The following TTC28 variants were observed in gnomAD, a reference collection of about 807,000 sequenced individuals.
TTC28 encodes tetratricopeptide repeat protein 28.
In TTC28, 61 loss-of-function variants were observed where a neutral mutation model predicts 198.0. That is an observed-to-expected ratio of 0.31 (90% CI 0.25 to 0.38). The LOEUF (loss-of-function observed/expected upper bound fraction) is 0.38, where lower values mean the gene tolerates loss of function less well. Ranked by LOEUF, TTC28 falls within the 10% of genes least tolerant of loss-of-function variation. The pLI is 1.00. For missense variants in TTC28, 2,678 were observed against 3,164.0 expected (o/e 0.85, Z 3.69); for synonymous variants, 1,171 against 1,297.8 (o/e 0.90, Z 2.10).
rs114602433 is a variant in TTC28, at chr22:28,525,634, C to G, written c.381+103918G>C. Among the ~76,000 whole-genome samples, 348 of 152,254 alleles carry G rather than the reference C, an allele frequency of 2.3e-3. 2 individuals are homozygous for G. The highest frequency in any genetic ancestry group is 8.2e-3 in the African/African-American group (339 of 41,538). On this transcript the variant is annotated intron_variant, in intron 2 of 22. Coordinates refer to ENST00000397906, the MANE Select transcript of TTC28 (RefSeq NM_001145418.2). ...AAGTTTGTTTAAATAGCCTGGTTATCTATACTCCATGAGGCTTCCTAAAAA... is the reference window on the plus strand; with the variant it reads ...AAGTTTGTTTAAATAGCCTGGTTATGTATACTCCATGAGGCTTCCTAAAAA...
At chr22:28,191,977 G>GGA (rs1569188446) in intron 5 of TTC28, among the ~76,000 whole-genome samples, 1 of 152,190 alleles carries the variant, frequency 6.6e-6, no homozygotes, top group Admixed American at 6.5e-5. Flanking sequence ...ATCTGAGAAC[G>GGA]GACAGACTGC....
At chr22:28,518,230 T>C (rs576638187) in intron 2 of TTC28, among the ~76,000 whole-genome samples, 1 of 152,224 alleles carries the variant, frequency 6.6e-6, no homozygotes, top group Non-Finnish European at 1.5e-5. Flanking sequence ...TTGAGCTGCA[T>C]GGGGTTTGGA....
intron 1 of TTC28, chr22:28,643,040 C>G (rs565565110): frequency 1.2e-4 from 19 of 152,068 alleles, no homozygotes; most frequent in Non-Finnish European, 2.4e-4. Context: ...AGGTGTGATC[C>G]CACTATTGAT....
intron 5 of TTC28, among the ~76,000 whole-genome samples, chr22:28,288,344 A>C (rs1056841305): frequency 6.6e-6 from 1 of 152,234 alleles, no homozygotes; most frequent in African/African-American, 2.4e-5. Context: ...TGGTATAACC[A>C]CTTTGGGAAA....
intron 2 of TTC28, among the ~76,000 whole-genome samples, chr22:28,316,583 T>C (rs560154857): frequency 1.9e-4 from 29 of 152,296 alleles, no homozygotes; most frequent in Non-Finnish European, 2.9e-4. Flanking sequence ...ATAAACAGGC[T>C]ATGTTTCCCC....
At chr22:28,214,137 G>A (rs1198039739) in intron 5 of TTC28, among the ~76,000 whole-genome samples, 1 of 151,970 alleles carries the variant, frequency 6.6e-6, no homozygotes, top group Non-Finnish European at 1.5e-5. Context: ...ATTCAAGATG[G>A]GATAAAAGAC....
intron 3 of TTC28, among the ~76,000 whole-genome samples, chr22:28,298,610 G>T (rs926904056): frequency 6.6e-6 from 1 of 151,990 alleles, no homozygotes; most frequent in Non-Finnish European, 1.5e-5. Context: ...CATCGTCTGT[G>T]GCTAATTTTC....
intron 12 of TTC28, among the ~76,000 whole-genome samples, chr22:28,038,285 T>G (rs1280198213): frequency 6.6e-6 from 1 of 152,156 alleles, no homozygotes; most frequent in Non-Finnish European, 1.5e-5. Flanking sequence ...AAGGCTACAG[T>G]AACCAAAACA....
intron 2 of TTC28, among the ~76,000 whole-genome samples, chr22:28,379,539 T>G (rs965405012): frequency 6.6e-6 from 1 of 152,152 alleles, no homozygotes; most frequent in Non-Finnish European, 1.5e-5. Flanking sequence ...AGACAAATAC[T>G]GTATAATTCC....
In TTC28 at chr22:27,990,047, TC is replaced by T. The variant is rs1192847467; in HGVS notation, c.5578-41del. The T allele has an allele frequency of 4.6e-6, 7 of 1,534,908 alleles. No homozygotes were observed. In the African/African-American group the frequency reaches 8.2e-5, roughly 18 times the overall value. On this transcript the variant is annotated intron_variant, in intron 20 of 22. Coordinates refer to ENST00000397906, the MANE Select transcript of TTC28 (RefSeq NM_001145418.2). The stretch of plus-strand genomic sequence containing the variant: ...ACAGCGTGAGCACCCTGTGTCTCCT[TC>T]CCCTCCAGCCCACCTCAAGACTCGA...
intron 2 of TTC28, among the ~76,000 whole-genome samples, chr22:28,394,156 G>C (rs912446548): frequency 1.3e-5 from 2 of 152,142 alleles, no homozygotes; most frequent in African/African-American, 4.8e-5. Flanking sequence ...GCCTGCCTGG[G>C]CTGTCCAAGC....
At chr22:28,022,953 G>A (rs1017027171) in intron 13 of TTC28, among the ~76,000 whole-genome samples, 17 of 152,332 alleles carry the variant, frequency 1.1e-4, no homozygotes, top group Admixed American at 5.9e-4. Flanking sequence ...AGCTGCGGGC[G>A]CTTCTACCTG....
In TTC28 at chr22:28,514,628, T is replaced by C. The variant is rs1882804633; in HGVS notation, c.381+114924A>G. Among the ~76,000 whole-genome samples the C allele has an allele frequency of 5.3e-5, 8 of 152,226 alleles. No individual in the cohort carries two copies. In the South Asian group the frequency reaches 1.7e-3, roughly 32 times the overall value. ...TCAGGCTCAGGACAGAACATTCTTGTTTTACTTCTCTATATTTTCATAAAA... is the reference window on the plus strand; with the variant it reads ...TCAGGCTCAGGACAGAACATTCTTGCTTTACTTCTCTATATTTTCATAAAA... On this transcript the variant is annotated intron_variant, in intron 2 of 22. Coordinates refer to ENST00000397906, the MANE Select transcript of TTC28 (RefSeq NM_001145418.2).
intron 5 of TTC28, among the ~76,000 whole-genome samples, chr22:28,257,758 A>C (rs1310998798): frequency 2.3e-5 from 1 of 43,118 alleles, no homozygotes; most frequent in African/African-American, 6.3e-5. Flanking sequence ...ATATATATAT[A>C]TATATATATA....
chr22:28,415,873 C>T (rs1315473759), intron 2 of TTC28, among the ~76,000 whole-genome samples: 1 of 152,140 alleles, frequency 6.6e-6, no homozygotes, highest in Non-Finnish European at 1.5e-5. Flanking sequence ...AATGATATAA[C>T]TTATTTAAAA....
intron 5 of TTC28, among the ~76,000 whole-genome samples, chr22:28,231,916 T>C (rs770175744): frequency 1.3e-5 from 2 of 152,208 alleles, no homozygotes; most frequent in African/African-American, 2.4e-5. Context: ...AAGCCTTAAA[T>C]ACTTAATCTA....
intron 5 of TTC28, among the ~76,000 whole-genome samples, chr22:28,165,347 G>C (rs531466452): frequency 1.3e-5 from 2 of 152,078 alleles, no homozygotes; most frequent in Non-Finnish European, 1.5e-5. Flanking sequence ...GATACTCCTC[G>C]AGAAGAGCAA....
intron 2 of TTC28, among the ~76,000 whole-genome samples, chr22:28,388,002 A>T (rs1841656134): frequency 7.9e-5 from 12 of 152,146 alleles, no homozygotes; most frequent in Admixed American, 7.9e-4. Flanking sequence ...TCTTTAATCC[A>T]TCTTGAATTG....
intron 12 of TTC28, among the ~76,000 whole-genome samples, chr22:28,045,863 C>T (rs902107730): frequency 6.6e-6 from 1 of 152,144 alleles, no homozygotes; most frequent in African/African-American, 2.4e-5. Context: ...ACTCTGGAGG[C>T]TAAGGCAGGA....
Sources: allele counts gnomAD v4.1 joint callset (sites outside exome capture counted in the v4.1 genomes callset), GRCh38; gene constraint gnomAD v4.1.1; transcripts MANE v1.5; gene names NCBI Gene and HGNC (gene_info 2026-07-23, HGNC 2026-07-21).